Variants in FBXO11 observed in about 807,000 individuals in gnomAD.
The protein encoded by FBXO11 is F-box protein 11, also known as F-box only protein 11.
In FBXO11, 13 loss-of-function variants were observed where a neutral mutation model predicts 117.0. The ratio of observed to expected loss-of-function variants is 0.11; its 90% CI spans 0.07 to 0.18. The LOEUF (loss-of-function observed/expected upper bound fraction) is 0.18, where lower values mean the gene tolerates loss of function less well. Among genes scored for constraint, FBXO11 ranks in the 10% least tolerant of loss-of-function variants. The pLI, the probability that FBXO11 is intolerant of heterozygous loss-of-function variation, is 1.00. For synonymous variants in FBXO11, 490 were observed against 380.5 expected (o/e 1.29, Z -3.35); for missense variants, 767 against 1,164.4 (o/e 0.66, Z 4.97).
intron 11 of FBXO11, among the ~76,000 whole-genome samples, chr2:47,824,692 G>A (rs1417380722): frequency 8.5e-5 from 13 of 152,158 alleles, no homozygotes; most frequent in Non-Finnish European, 1.9e-4. Flanking sequence ...AAGGGAACTT[G>A]AAGGATGGAA....
intron 1 of FBXO11, among the ~76,000 whole-genome samples, chr2:47,850,486 C>T (rs977352095): frequency 1.3e-5 from 2 of 152,122 alleles, no homozygotes; most frequent in African/African-American, 4.8e-5. Flanking sequence ...TCATAATGTA[C>T]ATATGGTACA....
chr2:47,881,509 T>C (rs1234752455), intron 1 of FBXO11, among the ~76,000 whole-genome samples: 1 of 152,208 alleles, frequency 6.6e-6, no homozygotes, highest in East Asian at 1.9e-4. Flanking sequence ...CCCTATTTAA[T>C]CAATAGTATT....
intron 1 of FBXO11, among the ~76,000 whole-genome samples, chr2:47,904,903 C>A (rs1186799460): frequency 2.0e-5 from 3 of 152,008 alleles, no homozygotes; most frequent in African/African-American, 7.3e-5. Flanking sequence ...GGAGTCGCTG[C>A]TCCCCCTACC....
At chr2:47,869,706 G>A (rs1675475139) in intron 1 of FBXO11, among the ~76,000 whole-genome samples, 1 of 152,240 alleles carries the variant, frequency 6.6e-6, no homozygotes, top group Non-Finnish European at 1.5e-5. Context: ...ATACCACATA[G>A]TATGTAAGTT....
intron 1 of FBXO11, among the ~76,000 whole-genome samples, chr2:47,851,285 G>C (rs1278563989): frequency 6.6e-6 from 1 of 152,148 alleles, no homozygotes; most frequent in Non-Finnish European, 1.5e-5. Context: ...GGAGTGCAGT[G>C]GTGTGATCTC....
rs149308440 is a variant in FBXO11 at position 47,847,228 on chromosome 2, G to C, written c.233-7459C>G. Among the ~76,000 whole-genome samples, 28 of 152,302 alleles carry C rather than the reference G, an allele frequency of 1.8e-4. 1 individual carries two copies. Among genetic ancestry groups the C allele is most frequent in the African/African-American group, 6.5e-4 (27 of 41,574 alleles). On this transcript the variant is annotated intron_variant, in intron 1 of 22. Transcript: ENST00000403359. ...CAACTGCACTCCAGCCTGAGTGACA[G>C]AGTGAGACTCTGTCTCAAACAAACA...
At chr2:47,897,442 A>T (rs1210222251) in intron 1 of FBXO11, among the ~76,000 whole-genome samples, 1 of 152,218 alleles carries the variant, frequency 6.6e-6, no homozygotes, top group East Asian at 1.9e-4. Flanking sequence ...CACGCCTGTA[A>T]TCCCAGCATT....
rs555037249 is a variant in FBXO11, at chr2:47,820,404, C to T, written c.1755G>A (p.Arg585=). Residue 585 remains arginine (R), a synonymous_variant, in exon 14 of 23, where the codon CGG becomes CGA. Transcript: ENST00000403359. ...QIRTNSCPIV[R]HNKIHDGQHG... is the part of the protein sequence containing the mutation. ...GCTGGCCATCATGAATTTTGTTATG[C>T]CGAACAATTGGACAACTGTTTGTCC... is the stretch of plus-strand genomic sequence containing the variant. 1.5e-5 allele frequency: 24 copies of T among 1,613,784 alleles called. No homozygotes were observed. In the East Asian group the frequency reaches 5.1e-4, roughly 34 times the overall value.
chr2:47,810,643 C>T, intron 18 of FBXO11: 1 of 437,032 alleles, frequency 2.3e-6, no homozygotes, highest in Non-Finnish European at 4.0e-6. Flanking sequence ...GACCAATAAT[C>T]TGCCATCTCC....
At chr2:47,873,989 T>G (rs553100661) in intron 1 of FBXO11, among the ~76,000 whole-genome samples, 1 of 151,810 alleles carries the variant, frequency 6.6e-6, no homozygotes, top group African/African-American at 2.4e-5. Context: ...CCGAGGTGGG[T>G]GGATCACGGG....
Position 47,834,810 on chromosome 2 carries a change from T to C in FBXO11, c.779A>G (p.Tyr260Cys). The C allele has an allele frequency of 1.2e-6, 2 of 1,613,360 alleles. No individual in the cohort carries two copies. The highest frequency in any genetic ancestry group is 1.7e-6 in the Non-Finnish European group (2 of 1,179,682). Residue 260 changes from tyrosine to cysteine, a missense_variant, in exon 6 of 23, where the codon TAT becomes TGT. Around this residue, in one of 10 missense-constraint regions of FBXO11, gnomAD observed 32 missense variants for 48.4 expected, o/e 0.66. Transcript: ENST00000403359. ...TACCAACATATTTTCTCTTCCTTTA[T>C]ATCTTGCAGGGTTACTGTAGAAATG... is the stretch of plus-strand genomic sequence containing the variant. ...AEHFYSNPARYKGRENMLYYD... is the reference protein window; with the variant it reads ...AEHFYSNPARCKGRENMLYYD...
intron 5 of FBXO11, 109 bp from the exon 6 acceptor site, chr2:47,834,980 C>G (rs1052573274): frequency 2.7e-6 from 2 of 750,114 alleles, no homozygotes; most frequent in Non-Finnish European, 4.4e-6. Context: ...AAATAATTCT[C>G]AACTATTCCA....
At chr2:47,903,738 A>G (rs774740194) in intron 1 of FBXO11, among the ~76,000 whole-genome samples, 5 of 152,238 alleles carry the variant, frequency 3.3e-5, no homozygotes, top group Admixed American at 6.5e-5. Flanking sequence ...AATCCTTAAT[A>G]TTAAAGGCTA....
chr2:47,870,145 A>G lies in FBXO11; in HGVS notation c.233-30376T>C, dbSNP rs539900655. Among the ~76,000 whole-genome samples, 39 of 152,282 alleles carry G rather than the reference A, an allele frequency of 2.6e-4. 1 individual carries two copies. In the East Asian group the frequency reaches 6.9e-3, roughly 27 times the overall value. On this transcript the variant is annotated intron_variant, in intron 1 of 22. Coordinates refer to ENST00000403359, the MANE Select transcript of FBXO11 (RefSeq NM_001190274.2). ...TTCATCTGTACCATCAGCTCTCCTG[A>G]GTGTCTCTCTCTCTCCCTATGAATA...
At chr2:47,820,993 GAATA>G (rs1671339559) in intron 13 of FBXO11, among the ~76,000 whole-genome samples, 1 of 152,156 alleles carries the variant, frequency 6.6e-6, no homozygotes, top group South Asian at 2.1e-4. Flanking sequence ...CTTTAATGAG[GAATA>G]AATATTTTCT....
chr2:47,862,193 C>G (rs1174274818), intron 1 of FBXO11, among the ~76,000 whole-genome samples: 2 of 152,078 alleles, frequency 1.3e-5, no homozygotes, highest in Admixed American at 6.6e-5. Context: ...AGTGCTGGGA[C>G]TACACAGGTG....
intron 21 of FBXO11, 122 bp downstream of exon 21, chr2:47,809,036 G>C: frequency 3.3e-6 from 2 of 601,206 alleles, no homozygotes; most frequent in South Asian, 4.3e-5. Context: ...GTAGATTGAT[G>C]ATAAAATTTT....
rs772573176 is a variant in FBXO11 at position 47,832,450 on chromosome 2, A to G, written c.1297T>C (p.Leu433=). The G allele has an allele frequency of 6.2e-7, 1 of 1,613,780 alleles. No individual in the cohort carries two copies. Among genetic ancestry groups the G allele is most frequent in the South Asian group, 1.1e-5 (1 of 91,048 alleles). The change falls in exon 11 of 23, where the codon TTA becomes CTA. Residue 433 remains leucine (L), a synonymous_variant. Transcript: ENST00000403359. Reference sequence around the variant, plus strand: ...TGATTTTTAACCCAAATCCCAGCTAACGCATTATTGGAAATTTCATTATCC... The same window carrying G: ...TGATTTTTAACCCAAATCCCAGCTAGCGCATTATTGGAAATTTCATTATCC... ...YEDNEISNNA[L]AGIWVKNHGN... is the part of the protein sequence containing the mutation.
At chr2:47,834,220 C>T (rs1427940625) in intron 7 of FBXO11, among the ~76,000 whole-genome samples, 1 of 152,080 alleles carries the variant, frequency 6.6e-6, no homozygotes, top group Non-Finnish European at 1.5e-5. Flanking sequence ...CATGGTGGTG[C>T]ATGCCTATAA....
Sources: allele counts gnomAD v4.1 joint callset (sites outside exome capture counted in the v4.1 genomes callset), GRCh38; gene constraint gnomAD v4.1.1; regional missense constraint gnomAD v4.1.1; transcripts MANE v1.5; gene names NCBI Gene and HGNC (gene_info 2026-07-23, HGNC 2026-07-21).